The following TTN variants were observed in gnomAD, a reference collection of about 807,000 sequenced individuals.
TTN encodes the protein titin, also known as connectin.
In TTN, 1,525 loss-of-function variants were observed where a neutral mutation model predicts 3,223.0. That is an observed-to-expected ratio of 0.47 (90% CI 0.45 to 0.49). The LOEUF (loss-of-function observed/expected upper bound fraction) is 0.49, where lower values mean the gene tolerates loss of function less well. Ranked by LOEUF, TTN falls within the 20% of genes least tolerant of loss-of-function variation. The pLI, the probability that TTN is intolerant of heterozygous loss-of-function variation, is 0.00. For missense variants in TTN, 40,786 were observed against 43,424.0 expected, an observed-to-expected ratio of 0.94 and a Z score of 5.40; for synonymous variants, 14,094 against 15,161.0, an observed-to-expected ratio of 0.93 and a Z score of 5.17.
Position 178,729,847 on chromosome 2 carries a change from G to A in TTN, c.18406C>T (p.Arg6136Ter), listed in dbSNP as rs2154307591. ...TTCCCGTCTAGATACCAAGACACTC[G>A]GATTTTAGGAGTGCCTGTTATTTGG... ...ECQITGTPKI[R>*]VSWYLDGNEI... Residue 6136 changes from arginine (R) to a stop codon, truncating the protein, a stop_gained, in exon 63 of 363, where the codon CGA becomes TGA. Coordinates refer to ENST00000589042, the MANE Select transcript of TTN (RefSeq NM_001267550.2). LOFTEE classifies it high-confidence loss of function. 6.2e-7 allele frequency: 1 copy of A among 1,613,598 alleles called. No homozygotes were observed. Among genetic ancestry groups the A allele is most frequent in the Non-Finnish European group, 8.5e-7 (1 of 1,179,728 alleles).
chr2:178,652,016 A>C (rs754182127), intron 204 of TTN, 49 bp from the exon 205 acceptor site: 4 of 1,611,392 alleles, frequency 2.5e-6, no homozygotes, highest in South Asian at 1.1e-5. Context: ...TAAAACTGAG[A>C]TAGTTTGCAA....
At position 178,589,111 on chromosome 2, in the gene TTN, T is replaced by C; in HGVS notation, c.62614A>G (p.Lys20872Glu). ...CTATCACTGGACACATCAACAATTTTCAGATTTCTCACAGGACCAGGCTTA... is the reference window on the plus strand; with the variant it reads ...CTATCACTGGACACATCAACAATTTCCAGATTTCTCACAGGACCAGGCTTA... ...LDKPGPVRNL[K>E]IVDVSSDRCT... The change falls in exon 304 of 363, where the codon AAA (lysine) becomes GAA (glutamate). Residue 20872 changes from lysine (K) to glutamate (E), a missense_variant. Coordinates refer to ENST00000589042, the MANE Select transcript of TTN (RefSeq NM_001267550.2). The C allele has an allele frequency of 6.2e-7, 1 of 1,611,734 alleles. No individual in the cohort carries two copies. Among genetic ancestry groups the C allele is most frequent in the South Asian group, 1.1e-5 (1 of 91,072 alleles).
chr2:178,623,845 C>A (rs1470769327), intron 242 of TTN, among the ~76,000 whole-genome samples: 1 of 151,874 alleles, frequency 6.6e-6, no homozygotes, highest in African/African-American at 2.4e-5. Context: ...ACATTTTTCA[C>A]CAGAGGAAGA....
Position 178,529,999 on chromosome 2 carries a change from C to A in TTN, c.106492G>T (p.Ala35498Ser). Residue 35498 changes from alanine (A) to serine (S), a missense_variant, in exon 359 of 363, where the codon GCT (alanine) becomes TCT (serine). Transcript: ENST00000589042. ...GLYTCTVKNS[A>S]GSVSSSCKLT... is the part of the protein sequence containing the mutation. The stretch of plus-strand genomic sequence containing the variant: ...TTGCAGCTAGAGGACACAGATCCAG[C>A]TGAATTTTTTACTGTACAAGTATAA... The A allele has an allele frequency of 6.2e-7, 1 of 1,603,252 alleles. No homozygotes were observed. The highest frequency in any genetic ancestry group is 8.5e-7 in the Non-Finnish European group (1 of 1,177,460).
intron 301 of TTN, 30 bp downstream of exon 301, chr2:178,592,347 ATT>A: frequency 6.3e-7 from 1 of 1,597,636 alleles, no homozygotes; most frequent in Non-Finnish European, 8.5e-7. Flanking sequence ...ATCAAAATTT[ATT>A]TTTAATGGCC....
In TTN at chr2:178,560,057, T is replaced by C; in HGVS notation, c.86075A>G (p.Lys28692Arg). 6.2e-7 allele frequency: 1 copy of C among 1,613,652 alleles called. No individual in the cohort carries two copies. Among genetic ancestry groups the C allele is most frequent in the Non-Finnish European group, 8.5e-7 (1 of 1,179,776 alleles). The change falls in exon 326 of 363, where the codon AAA becomes AGA. Residue 28692 changes from lysine to arginine, a missense_variant. Physicochemically the swap from Lys to Arg is conservative, Grantham distance 26. Transcript: ENST00000589042. ...AGTTTTCCAGTCAGTGTCATCAGAT[T>C]TTTTGTATTCTACAGTATATCCAGT... ...PITGYTVEYK[K>R]SDDTDWKTSI...
At position 178,764,545 on chromosome 2, in the gene TTN, C is replaced by T; in HGVS notation, c.9970G>A (p.Ala3324Thr). Reference sequence around the variant, plus strand: ...TTCCTACCTTCCACTGAGAGTGAAGCTGATGTTGTGGCAACACCATAGTCA... The same window carrying T: ...TTCCTACCTTCCACTGAGAGTGAAGTTGATGTTGTGGCAACACCATAGTCA... ...KNDYGVATTS[A>T]SLSVEVPEVV... The change falls in exon 42 of 363, where the codon GCT (alanine) becomes ACT (threonine). Residue 3324 changes from alanine to threonine, a missense_variant. Ala to Thr is a moderately conservative substitution (Grantham distance 58). Transcript: ENST00000589042. The T allele has an allele frequency of 1.9e-6, 3 of 1,614,106 alleles. No individual in the cohort carries two copies. The highest frequency in any genetic ancestry group is 2.2e-5 in the East Asian group (1 of 44,882).
chr2:178,604,825 G>A lies in TTN; in HGVS notation c.54264C>T (p.Ala18088=), dbSNP rs755047587. 6.2e-7 allele frequency: 1 copy of A among 1,612,002 alleles called. No homozygotes were observed. Among genetic ancestry groups the A allele is most frequent in the Admixed American group, 1.7e-5 (1 of 59,884 alleles). ...TTTCACTGCCACCATTATCAAGAGGGGCATCCCATGTCAAGTAGCAAGATT... is the reference window on the plus strand; with the variant it reads ...TTTCACTGCCACCATTATCAAGAGGAGCATCCCATGTCAAGTAGCAAGATT... ...KAESCYLTWD[A]PLDNGGSEIT... Residue 18088 remains alanine, a synonymous_variant, in exon 281 of 363, where the codon GCC becomes GCT. Transcript: ENST00000589042.
rs3813246 is a variant in TTN at position 178,568,853 on chromosome 2, T to C, written c.77279A>G (p.Asn25760Ser). The change falls in exon 326 of 363, where the codon AAC (asparagine) becomes AGC (serine). Residue 25760 changes from asparagine (N) to serine (S), a missense_variant. Asn to Ser is a conservative substitution (Grantham distance 46). Coordinates refer to ENST00000589042, the MANE Select transcript of TTN (RefSeq NM_001267550.2). ...RVKSLQAVITNLTQGEEYLFR... is the reference protein window; with the variant it reads ...RVKSLQAVITSLTQGEEYLFR... ...AAGATATTCTTCCCCTTGAGTTAGG[T>C]TGGTAATTACTGCCTGAAGAGACTT... 0.023 allele frequency: 36,901 copies of C among 1,613,080 alleles called. 522 individuals are homozygous for C. The highest frequency in any genetic ancestry group is 0.063 in the East Asian group (2,831 of 44,802).
Position 178,721,070 on chromosome 2 carries a change from T to A in TTN, c.22949A>T (p.His7650Leu), listed in dbSNP as rs144326093. The change falls in exon 79 of 363, where the codon CAT (histidine) becomes CTT (leucine). Residue 7650 changes from histidine to leucine, a missense_variant. Transcript: ENST00000589042. ...TGACATGTTGTATTTCCAACTTTCA[T>A]GAAGTTCGCTGTCATTTCGGAACCA... is the stretch of plus-strand genomic sequence containing the variant. Reference protein sequence around the residue: ...VSWFRNDSELHESWKYNMSFI... With the variant: ...VSWFRNDSELLESWKYNMSFI... 1 of 1,613,300 alleles carries A rather than the reference T, an allele frequency of 6.2e-7. No homozygotes were observed. The highest frequency in any genetic ancestry group is 1.3e-5 in the African/African-American group (1 of 75,022).
chr2:178,726,405 AT>A (rs977001120), intron 69 of TTN: 20 of 167,038 alleles, frequency 1.2e-4, no homozygotes, highest in African/African-American at 4.0e-4. Flanking sequence ...TTCAAGGATG[AT>A]TTTTTTTGTA....
chr2:178,776,174 A>T lies in TTN; in HGVS notation c.5690T>A (p.Leu1897Gln), dbSNP rs1299766514. Residue 1897 changes from leucine to glutamine, a missense_variant, in exon 28 of 363, where the codon CTG (leucine) becomes CAG (glutamine). Transcript: ENST00000589042. The part of the protein sequence containing the change: ...FRVRYDGIHY[L>Q]DIVDCKSYDT... ...ATATGATTTGCAGTCCACGATGTCCAGGTAATGGATACCATCATAGCGAAC... is the reference window on the plus strand; with the variant it reads ...ATATGATTTGCAGTCCACGATGTCCTGGTAATGGATACCATCATAGCGAAC... 6.2e-7 allele frequency: 1 copy of T among 1,614,180 alleles called. No individual in the cohort carries two copies. Among genetic ancestry groups the T allele is most frequent in the Admixed American group, 1.7e-5 (1 of 60,018 alleles).
chr2:178,707,915 C>G (rs2076118028), intron 99 of TTN, 102 bp from the exon 100 acceptor site: 12 of 1,201,384 alleles, frequency 1.0e-5, no homozygotes, highest in Non-Finnish European at 1.4e-5. Flanking sequence ...TAACAGGTAA[C>G]ACTGTTGCTG....
intron 40 of TTN, 99 bp from the exon 41 acceptor site, chr2:178,766,711 G>T: frequency 2.2e-6 from 2 of 896,956 alleles, no homozygotes; most frequent in South Asian, 2.8e-5. Context: ...TCAATGAATG[G>T]CATGTGAAAC....
At chr2:178,627,103 G>A (rs547091533) in intron 240 of TTN, among the ~76,000 whole-genome samples, 1 of 151,616 alleles carries the variant, frequency 6.6e-6, no homozygotes, top group East Asian at 1.9e-4. Context: ...AATATAATAC[G>A]GTAGGCTTAT....
In TTN at chr2:178,534,460, C is replaced by T. The variant is rs369245991; in HGVS notation, c.102155G>A (p.Arg34052Gln). The change falls in exon 358 of 363, where the codon CGG (arginine) becomes CAG (glutamine). Residue 34052 changes from arginine (R) to glutamine (Q), a missense_variant. Physicochemically the swap from Arg to Gln is conservative, Grantham distance 43. Coordinates refer to ENST00000589042, the MANE Select transcript of TTN (RefSeq NM_001267550.2). The stretch of plus-strand genomic sequence containing the variant: ...AGATTTCCTCTCTTTCACTAACAAC[C>T]GGTCAACAAAATCCATGGCTTCAAT... Reference protein sequence around the residue: ...ISIEAMDFVDRLLVKERKSRM... With the variant: ...ISIEAMDFVDQLLVKERKSRM... The T allele has an allele frequency of 3.9e-5, 63 of 1,613,250 alleles. No homozygotes were observed. The Middle Eastern group carries it at 4.9e-4, about 13-fold the overall frequency.
In TTN at chr2:178,547,924, G is replaced by A. The variant is rs374976660; in HGVS notation, c.93702C>T (p.Thr31234=). 1.2e-6 allele frequency: 2 copies of A among 1,613,780 alleles called. No homozygotes were observed. The highest frequency in any genetic ancestry group is 1.7e-6 in the Non-Finnish European group (2 of 1,179,822). ...GACGACCACTGATTGGTACGTCAAT[G>A]GTAAATGGGCTTCCTGCTTTGCAAG... ...LITCKAGSPF[T]IDVPISGRPA... is the part of the protein sequence containing the mutation. The change falls in exon 339 of 363, where the codon ACC becomes ACT. Residue 31234 remains threonine, a synonymous_variant. Transcript: ENST00000589042.
At position 178,552,245 on chromosome 2, in the gene TTN, C is replaced by A; in HGVS notation, c.90655G>T (p.Val30219Phe). The change falls in exon 335 of 363, where the codon GTC becomes TTC. Residue 30219 changes from valine (V) to phenylalanine (F), a missense_variant. Coordinates refer to ENST00000589042, the MANE Select transcript of TTN (RefSeq NM_001267550.2). ...AVCRIAVPIT[V>F]ITLGPPSKPK... Reference sequence around the variant, plus strand: ...TTTGATGGTGGGCCAAGGGTGATGACTGTAATGGGGACTGCAATTCTACAC... The same window carrying A: ...TTTGATGGTGGGCCAAGGGTGATGAATGTAATGGGGACTGCAATTCTACAC... The A allele has an allele frequency of 1.2e-6, 2 of 1,613,368 alleles. No homozygotes were observed.
chr2:178,740,140 C>A lies in TTN; in HGVS notation c.13093G>T (p.Ala4365Ser). 1 of 1,613,828 alleles carries A rather than the reference C, an allele frequency of 6.2e-7. No individual in the cohort carries two copies. The highest frequency in any genetic ancestry group is 8.5e-7 in the Non-Finnish European group (1 of 1,179,822). Reference protein sequence around the residue: ...QIIESKREPVAIKKVQEVQGR... With the variant: ...QIIESKREPVSIKKVQEVQGR... The stretch of plus-strand genomic sequence containing the variant: ...TGTACCTCCTGCACTTTCTTTATTG[C>A]CACGGGCTCTCTTTTAGACTCAATG... The change falls in exon 48 of 363, where the codon GCA becomes TCA. Residue 4365 changes from alanine to serine, a missense_variant. Coordinates refer to ENST00000589042, the MANE Select transcript of TTN (RefSeq NM_001267550.2).
Sources: allele counts gnomAD v4.1 joint callset (sites outside exome capture counted in the v4.1 genomes callset), GRCh38; gene constraint gnomAD v4.1.1; transcripts MANE v1.5; gene names NCBI Gene and HGNC (gene_info 2026-07-23, HGNC 2026-07-21).